Variants in PRKCE observed in about 807,000 individuals in gnomAD.
PRKCE encodes the protein protein kinase C epsilon, also known as protein kinase C epsilon type.
PRKCE carries 16 observed loss-of-function variants against 85.4 expected under a neutral mutation model. That is an observed-to-expected ratio of 0.19 (90% CI 0.13 to 0.28). The LOEUF is 0.28. Ranked by LOEUF, PRKCE falls within the 10% of genes least tolerant of loss-of-function variation. The pLI is 1.00. For missense variants in PRKCE, 573 were observed against 975.2 expected, an observed-to-expected ratio of 0.59 and a Z score of 5.49; for synonymous variants, 388 against 371.5, an observed-to-expected ratio of 1.04 and a Z score of -0.51.
intron 14 of PRKCE, among the ~76,000 whole-genome samples, chr2:46,176,608 C>G (rs1376872945): frequency 1.3e-5 from 2 of 152,162 alleles, no homozygotes; most frequent in East Asian, 3.8e-4. Context: ...AACTTCATTT[C>G]CAGCAGAGAA....
intron 6 of PRKCE, among the ~76,000 whole-genome samples, chr2:45,986,781 C>T (rs553761724): frequency 4.6e-5 from 7 of 152,054 alleles, no homozygotes; most frequent in Non-Finnish European, 1.0e-4. Context: ...GTGAGCTTCC[C>T]GGCACCCCTG....
chr2:45,875,169 C>CG (rs1250042920), intron 2 of PRKCE, among the ~76,000 whole-genome samples: 1 of 152,044 alleles, frequency 6.6e-6, no homozygotes, highest in Non-Finnish European at 1.5e-5. Flanking sequence ...AGGTGAGACT[C>CG]GGAGTGAAAA....
intron 1 of PRKCE, among the ~76,000 whole-genome samples, chr2:45,719,925 T>C (rs577428274): frequency 6.6e-6 from 1 of 152,166 alleles, no homozygotes; most frequent in East Asian, 1.9e-4. Flanking sequence ...CCCTGTCTCC[T>C]AAAAACAACA....
chr2:45,962,113 G>C (rs1701424440), intron 2 of PRKCE, among the ~76,000 whole-genome samples: 1 of 152,216 alleles, frequency 6.6e-6, no homozygotes, highest in Non-Finnish European at 1.5e-5. Flanking sequence ...AGCGTATGCA[G>C]GGCTTAGATT....
At chr2:45,915,040 G>A (rs913949155) in intron 2 of PRKCE, among the ~76,000 whole-genome samples, 5 of 152,118 alleles carry the variant, frequency 3.3e-5, no homozygotes, top group African/African-American at 9.7e-5. Flanking sequence ...GGGTTCAAGC[G>A]AGCACCTCCA....
intron 2 of PRKCE, among the ~76,000 whole-genome samples, chr2:45,873,874 C>G (rs774986979): frequency 3.9e-5 from 6 of 152,252 alleles, no homozygotes; most frequent in Non-Finnish European, 8.8e-5. Flanking sequence ...CCAACTGAGT[C>G]TCTTGTCTTG....
chr2:46,177,185 G>A (rs1192603010), intron 14 of PRKCE, among the ~76,000 whole-genome samples: 1 of 152,206 alleles, frequency 6.6e-6, no homozygotes, highest in East Asian at 1.9e-4. Flanking sequence ...GAAGGCTGAG[G>A]TGGGAGGATC....
chr2:45,733,898 C>T (rs1373067423), intron 1 of PRKCE, among the ~76,000 whole-genome samples: 1 of 152,202 alleles, frequency 6.6e-6, no homozygotes, highest in Admixed American at 6.5e-5. Flanking sequence ...TTGCTTTGAG[C>T]CTGTGCACAT....
chr2:45,958,604 C>T (rs1701142971), intron 2 of PRKCE, among the ~76,000 whole-genome samples: 2 of 150,078 alleles, frequency 1.3e-5, no homozygotes. Context: ...TTGAGATGTC[C>T]TGGCCTCTCA....
rs1294448084 is a variant in PRKCE, at chr2:45,839,522, G to T, written c.349-3478G>T. 6.6e-5 allele frequency among the ~76,000 whole-genome samples: 10 copies of T among 152,316 alleles called. No homozygotes were observed. The South Asian group carries it at 1.2e-3, about 19-fold the overall frequency. ...GGGAGGAGCCTGGTGCAAAGAAGAG[G>T]CTCAGAACTAACCCTGGGAATGGCT... On this transcript the variant is annotated intron_variant, in intron 1 of 14. Coordinates refer to ENST00000306156, the MANE Select transcript of PRKCE (RefSeq NM_005400.3).
At chr2:46,053,876 T>A (rs12463939) in intron 10 of PRKCE, among the ~76,000 whole-genome samples, 1 of 152,232 alleles carries the variant, frequency 6.6e-6, no homozygotes, top group Admixed American at 6.5e-5. Flanking sequence ...TTTTGCTATA[T>A]TCCCAGAAGC....
At chr2:46,170,862 C>A (rs1490928987) in intron 14 of PRKCE, among the ~76,000 whole-genome samples, 1 of 152,174 alleles carries the variant, frequency 6.6e-6, no homozygotes, top group East Asian at 1.9e-4. Context: ...AGAACATTTT[C>A]CTAAATAAGT....
intron 1 of PRKCE, among the ~76,000 whole-genome samples, chr2:45,813,881 G>A (rs1018174310): frequency 6.6e-6 from 1 of 152,152 alleles, no homozygotes; most frequent in African/African-American, 2.4e-5. Context: ...TTCTGTTACG[G>A]TATAAATACA....
chr2:46,158,994 C>T (rs75644934), intron 13 of PRKCE, among the ~76,000 whole-genome samples: 2,078 of 152,242 alleles, frequency 0.014, 24 homozygotes, highest in Non-Finnish European at 0.021. Context: ...CTTTCTTTTT[C>T]TTGTTTTTTA....
intron 2 of PRKCE, among the ~76,000 whole-genome samples, chr2:45,915,575 G>C (rs1697705960): frequency 6.6e-6 from 1 of 152,180 alleles, no homozygotes; most frequent in Non-Finnish European, 1.5e-5. Flanking sequence ...GTAGACAAAG[G>C]ACAAATGAAA....
intron 2 of PRKCE, among the ~76,000 whole-genome samples, chr2:45,881,747 T>C (rs1303069188): frequency 6.6e-6 from 1 of 152,210 alleles, no homozygotes; most frequent in Admixed American, 6.5e-5. Flanking sequence ...TAGAGCCAAG[T>C]TGCAAACTCA....
In PRKCE at chr2:45,651,816, TTCTGGAGG is replaced by T. The variant is rs1675136628; in HGVS notation, c.-283_-276del. On this transcript the variant is annotated 5_prime_UTR_variant, in exon 1 of 15. Coordinates refer to ENST00000306156, the MANE Select transcript of PRKCE (RefSeq NM_005400.3). The stretch of plus-strand genomic sequence containing the variant: ...AGCGGAGCCGACAGCTCGTCTTCTC[TTCTGGAGG>T]TGCAGCTGGTGGTCGGGGGGAGAGA... The T allele has an allele frequency of 3.3e-6, 1 of 307,398 alleles. No individual in the cohort carries two copies. The highest frequency in any genetic ancestry group is 4.6e-5 in the Admixed American group (1 of 21,932). The allele number at this position is 307,398 out of a possible 1,614,324, so 19.0% of individuals were successfully genotyped here.
At chr2:45,729,618 G>A (rs1573096866) in intron 1 of PRKCE, among the ~76,000 whole-genome samples, 1 of 152,300 alleles carries the variant, frequency 6.6e-6, no homozygotes, top group South Asian at 2.1e-4. Context: ...GAAGGGATGT[G>A]CATACTCAGG....
Position 45,708,247 on chromosome 2 carries a change from A to C in PRKCE, c.348+55799A>C, listed in dbSNP as rs865971242. ...TGCCACAGAACAAAGCTGTGAGGTC[A>C]GTTGTAGCAGAGATGGCTTATGTGT... is the stretch of plus-strand genomic sequence containing the variant. On this transcript the variant is annotated intron_variant, in intron 1 of 14. Coordinates refer to ENST00000306156, the MANE Select transcript of PRKCE (RefSeq NM_005400.3). 3.3e-5 allele frequency among the ~76,000 whole-genome samples: 5 copies of C among 152,350 alleles called. No individual in the cohort carries two copies. The South Asian group carries it at 1.0e-3, about 32-fold the overall frequency.
Sources: allele counts gnomAD v4.1 joint callset (sites outside exome capture counted in the v4.1 genomes callset), GRCh38; gene constraint gnomAD v4.1.1; transcripts MANE v1.5; gene names NCBI Gene and HGNC (gene_info 2026-07-23, HGNC 2026-07-21).